The following FAM151B variants were observed in gnomAD, a reference collection of about 807,000 sequenced individuals.
FAM151B encodes the protein family with sequence similarity 151 member B, also known as protein FAM151B.
Under a neutral mutation model 31.2 loss-of-function variants are expected in FAM151B, and 24 were observed. The observed-to-expected ratio is 0.77, with a 90% CI of 0.56 to 1.08. FAM151B has a LOEUF of 1.08. Among genes scored for constraint, FAM151B ranks in the 50% least tolerant of loss-of-function variants. FAM151B has a pLI of 0.00. For missense variants in FAM151B, 293 were observed against 328.6 expected (o/e 0.89, Z 0.84); for synonymous variants, 105 against 111.4 (o/e 0.94, Z 0.36).
rs138564795 is a variant in FAM151B at position 80,506,672 on chromosome 5, G to T, written c.151+4755G>T. The stretch of plus-strand genomic sequence containing the variant: ...CAAGCCTCTTTATTGGTCTCAAATG[G>T]TGTTCCATTTAAAATCTTTAATATA... On this transcript the variant is annotated intron_variant, in intron 2 of 5. Transcript: ENST00000282226. Among the ~76,000 whole-genome samples, 262 of 152,260 alleles carry T rather than the reference G, an allele frequency of 1.7e-3. 1 individual carries two copies. The highest frequency in any genetic ancestry group is 0.014 in the Admixed American group (214 of 15,294).
chr5:80,517,615 A>G (rs1174810585), intron 3 of FAM151B, among the ~76,000 whole-genome samples: 2 of 152,196 alleles, frequency 1.3e-5, no homozygotes, highest in East Asian at 3.8e-4. Flanking sequence ...TACATTAGTG[A>G]TAATTAAAAT....
intron 1 of FAM151B, among the ~76,000 whole-genome samples, chr5:80,491,887 T>G (rs1743345935): frequency 6.6e-6 from 1 of 152,232 alleles, no homozygotes; most frequent in Admixed American, 6.5e-5. Flanking sequence ...GTGCTTAGGT[T>G]GTTTCCATAT....
intron 3 of FAM151B, among the ~76,000 whole-genome samples, chr5:80,514,199 G>A (rs1480332885): frequency 1.3e-5 from 2 of 152,136 alleles, no homozygotes. Context: ...AGGCAGCCGG[G>A]CACAGTGGCT....
At chr5:80,506,521 G>T (rs143091214) in intron 2 of FAM151B, among the ~76,000 whole-genome samples, 11 of 152,076 alleles carry the variant, frequency 7.2e-5, no homozygotes, top group African/African-American at 2.7e-4. Flanking sequence ...TTTATTTGCC[G>T]CCAGAAGCAT....
At chr5:80,524,608 G>A (rs1417681226) in intron 5 of FAM151B, among the ~76,000 whole-genome samples, 2 of 152,038 alleles carry the variant, frequency 1.3e-5, no homozygotes, top group African/African-American at 4.8e-5. Context: ...TACAGACTTA[G>A]AGGTTCTTAT....
chr5:80,498,646 G>A, intron 1 of FAM151B: 1 of 717,350 alleles, frequency 1.4e-6, no homozygotes, highest in Non-Finnish European at 2.5e-6. Flanking sequence ...TCTCGACAAA[G>A]GTGTCTAATT....
rs182499950 is a variant in FAM151B at position 80,520,491 on chromosome 5, A to G, written c.535+581A>G. On this transcript the variant is annotated intron_variant, in intron 4 of 5. Transcript: ENST00000282226. ...GAAACCCCGTCTCTACTAAAAATAC[A>G]AAAGTTAGCCAGGCATGGTAGTGTG... is the stretch of plus-strand genomic sequence containing the variant. 4.1e-3 allele frequency among the ~76,000 whole-genome samples: 627 copies of G among 151,934 alleles called. 2 individuals are homozygous for G. Among genetic ancestry groups the G allele is most frequent in the African/African-American group, 0.014 (588 of 41,454 alleles).
chr5:80,492,854 C>T (rs1210069318), intron 1 of FAM151B, among the ~76,000 whole-genome samples: 1 of 151,808 alleles, frequency 6.6e-6, no homozygotes, highest in East Asian at 1.9e-4. Context: ...CTTGGGATGC[C>T]CAGGCAGGAG....
rs534292146 is a variant in FAM151B at position 80,499,448 on chromosome 5, T to C, written c.26-2344T>C. 1.1e-4 allele frequency among the ~76,000 whole-genome samples: 17 copies of C among 152,124 alleles called. No individual in the cohort carries two copies. In the South Asian group the frequency reaches 3.5e-3, roughly 31 times the overall value. On this transcript the variant is annotated intron_variant, in intron 1 of 5. Coordinates refer to ENST00000282226, the MANE Select transcript of FAM151B (RefSeq NM_205548.3). Reference sequence around the variant, plus strand: ...GCTGAGAATAATCTGAAGGTAGATATGCAGTAAGATATGCAATTTAAATAT... The same window carrying C: ...GCTGAGAATAATCTGAAGGTAGATACGCAGTAAGATATGCAATTTAAATAT...
chr5:80,499,444 GATA>G (rs537568627), intron 1 of FAM151B, among the ~76,000 whole-genome samples: 104 of 152,278 alleles, frequency 6.8e-4, no homozygotes, highest in African/African-American at 2.4e-3. Context: ...TCTGAAGGTA[GATA>G]TGCAGTAAGA....
chr5:80,533,208 T>C (rs929940534), intron 5 of FAM151B, among the ~76,000 whole-genome samples: 14 of 151,452 alleles, frequency 9.2e-5, no homozygotes, highest in African/African-American at 3.4e-4. Flanking sequence ...AAACCCCGTC[T>C]CTACTAAAAA....
intron 1 of FAM151B, among the ~76,000 whole-genome samples, chr5:80,497,030 C>T (rs1260234302): frequency 1.3e-5 from 2 of 151,838 alleles, no homozygotes; most frequent in Non-Finnish European, 2.9e-5. Context: ...AGGCTGGTCT[C>T]GAACTCCTGA....
intron 2 of FAM151B, among the ~76,000 whole-genome samples, chr5:80,509,218 AT>A (rs1744094752): frequency 6.6e-6 from 1 of 151,458 alleles, no homozygotes; most frequent in Non-Finnish European, 1.5e-5. Flanking sequence ...TGCTCAAGTG[AT>A]CCTCCTGCCT....
chr5:80,491,570 T>C (rs1042316724), intron 1 of FAM151B, among the ~76,000 whole-genome samples: 1 of 152,170 alleles, frequency 6.6e-6, no homozygotes, highest in South Asian at 2.1e-4. Flanking sequence ...TGGGAACTTA[T>C]TCCTCCTGTC....
chr5:80,489,503 C>T (rs1743233070), intron 1 of FAM151B, among the ~76,000 whole-genome samples: 1 of 152,210 alleles, frequency 6.6e-6, no homozygotes, highest in South Asian at 2.1e-4. Context: ...AGACTTACAC[C>T]ATTCTCACTC....
At chr5:80,499,484 A>C (rs1339474613) in intron 1 of FAM151B, among the ~76,000 whole-genome samples, 1 of 152,174 alleles carries the variant, frequency 6.6e-6, no homozygotes, top group Non-Finnish European at 1.5e-5. Context: ...TAAATTGTTA[A>C]TATAAATATA....
intron 5 of FAM151B, among the ~76,000 whole-genome samples, chr5:80,538,450 C>T (rs372329567): frequency 0.026 from 1,806 of 69,344 alleles, 116 homozygotes; most frequent in East Asian, 0.041. Flanking sequence ...CTTTCTTTCT[C>T]TTTCTTTCTT....
chr5:80,510,394 T>C (rs574681739), intron 2 of FAM151B, among the ~76,000 whole-genome samples: 1 of 152,326 alleles, frequency 6.6e-6, no homozygotes, highest in Admixed American at 6.5e-5. Context: ...TGTCTTTACA[T>C]GGTGGCTGGA....
Position 80,494,442 on chromosome 5 carries a change from TTTTTCTTTCTTTC to T in FAM151B, c.25+6311_25+6323del, listed in dbSNP as rs1212147116. Among the ~76,000 whole-genome samples the T allele has an allele frequency of 1.4e-4, 7 of 50,164 alleles. 1 individual carries two copies. The highest frequency in any genetic ancestry group is 1.3e-3 in the Admixed American group (5 of 3,794). The allele number at this position is 50,164 out of a possible 152,430, so 32.9% of individuals were successfully genotyped here. A position where few individuals can be genotyped will look rare whatever the true frequency, so the allele number is the denominator to read the frequency against. ...TTTTCTTTCTTTCTGTCTTTCTTTC[TTTTTCTTTCTTTC>T]TTTTCTTTCTTTCTTTCTTTCTTTC... On this transcript the variant is annotated intron_variant, in intron 1 of 5. Transcript: ENST00000282226.
Sources: gnomAD v4.1 joint callset for allele counts (sites outside exome capture counted in the v4.1 genomes callset) on GRCh38, gnomAD v4.1.1 for gene constraint, MANE v1.5 for transcripts, NCBI Gene and HGNC (gene_info 2026-07-23, HGNC 2026-07-21) for gene names.